The following RAD51B variants were observed in gnomAD, a reference collection of about 807,000 sequenced individuals.
The protein encoded by RAD51B is DNA repair protein RAD51 homolog 2.
In RAD51B, 38 loss-of-function variants were observed where a neutral mutation model predicts 42.2. The observed-to-expected ratio is 0.90, with a 90% CI of 0.70 to 1.18. The LOEUF (loss-of-function observed/expected upper bound fraction) is 1.18, where lower values mean the gene tolerates loss of function less well. Ranked by LOEUF, RAD51B falls within the 50% of genes most tolerant of loss-of-function variation. The probability of loss-of-function intolerance (pLI) is 0.00; values close to 1 mark genes in which losing one functional copy is unlikely to be tolerated. For synonymous variants in RAD51B, 154 were observed against 145.2 expected, an observed-to-expected ratio of 1.06 and a Z score of -0.43; for missense variants, 373 against 400.7, an observed-to-expected ratio of 0.93 and a Z score of 0.59.
At chr14:68,498,232 C>G (rs571249639) in intron 10 of RAD51B, among the ~76,000 whole-genome samples, 1 of 152,180 alleles carries the variant, frequency 6.6e-6, no homozygotes, top group African/African-American at 2.4e-5. Flanking sequence ...ATAGTCTCCA[C>G]GTGAAGACAC....
At chr14:68,123,191 CTTTTTTTTTT>C (rs541886088) in intron 7 of RAD51B, among the ~76,000 whole-genome samples, 1 of 125,502 alleles carries the variant, frequency 8.0e-6, no homozygotes, top group Non-Finnish European at 1.7e-5. Flanking sequence ...TTCTTTCTTT[CTTTTTTTTTT>C]TTTTTTTTTG....
At chr14:68,131,387 C>T (rs1380536547) in intron 7 of RAD51B, among the ~76,000 whole-genome samples, 1 of 152,152 alleles carries the variant, frequency 6.6e-6, no homozygotes, top group African/African-American at 2.4e-5. Context: ...AACAAAAGTA[C>T]ATGTCAAGAT....
At chr14:68,277,266 A>G (rs1210732248) in intron 7 of RAD51B, among the ~76,000 whole-genome samples, 4 of 152,202 alleles carry the variant, frequency 2.6e-5, no homozygotes, top group African/African-American at 9.7e-5. Context: ...TAATGCTATT[A>G]TTAATAGTCA....
chr14:68,099,123 G>A (rs1399583623), intron 7 of RAD51B, among the ~76,000 whole-genome samples: 1 of 152,116 alleles, frequency 6.6e-6, no homozygotes, highest in East Asian at 1.9e-4. Context: ...CCCTAACTTG[G>A]GAAAGTCTCT....
chr14:67,899,609 G>A (rs936432333), intron 7 of RAD51B, among the ~76,000 whole-genome samples: 31 of 152,064 alleles, frequency 2.0e-4, no homozygotes, highest in African/African-American at 7.5e-4. Context: ...CTTATTTATT[G>A]TCTCAGAGTT....
chr14:67,941,485 G>A (rs796780200), intron 7 of RAD51B, among the ~76,000 whole-genome samples: 26 of 152,296 alleles, frequency 1.7e-4, no homozygotes, highest in African/African-American at 6.0e-4. Context: ...GGGTAAAATA[G>A]GTAAAGTGAA....
At chr14:68,437,524 ACT>A (rs1392977533) in intron 9 of RAD51B, among the ~76,000 whole-genome samples, 1 of 151,914 alleles carries the variant, frequency 6.6e-6, no homozygotes, top group Non-Finnish European at 1.5e-5. Context: ...GTAGAACGTA[ACT>A]CTTCTATTTT....
At chr14:68,410,394 C>T (rs1253268292) in intron 8 of RAD51B, among the ~76,000 whole-genome samples, 3 of 152,208 alleles carry the variant, frequency 2.0e-5, no homozygotes, top group African/African-American at 7.2e-5. Context: ...TTCAAGGCCT[C>T]ATTTTGTTTT....
chr14:68,196,524 T>A (rs1350824230), intron 7 of RAD51B, among the ~76,000 whole-genome samples: 1 of 152,116 alleles, frequency 6.6e-6, no homozygotes. Flanking sequence ...CCTTCCCCAA[T>A]CTTCACCTTG....
intron 9 of RAD51B, among the ~76,000 whole-genome samples, chr14:68,467,820 G>A (rs2086021786): frequency 6.6e-6 from 1 of 152,234 alleles, no homozygotes; most frequent in African/African-American, 2.4e-5. Context: ...TAGTAAAACA[G>A]CTAAGTTTAT....
intron 7 of RAD51B, among the ~76,000 whole-genome samples, chr14:68,025,476 C>CTTTTTT (rs765471138): frequency 2.0e-4 from 8 of 40,966 alleles, no homozygotes; most frequent in Admixed American, 2.8e-4. Context: ...CTGGTCTAGG[C>CTTTTTT]TTTTTTTTTT....
At chr14:68,521,097 C>G (rs558359429) in intron 10 of RAD51B, among the ~76,000 whole-genome samples, 76 of 152,210 alleles carry the variant, frequency 5.0e-4, no homozygotes, top group African/African-American at 1.8e-3. Flanking sequence ...GACTCAAGCC[C>G]GCACCTGGAT....
At position 68,087,940 on chromosome 14, in the gene RAD51B, T is replaced by C. The variant is rs1291054070; in HGVS notation, c.756+200736T>C. ...ATATATTATATATAATTATATAATTTATTATTATATATAATTATATAATTT... is the reference window on the plus strand; with the variant it reads ...ATATATTATATATAATTATATAATTCATTATTATATATAATTATATAATTT... On this transcript the variant is annotated intron_variant, in intron 7 of 10. Transcript: ENST00000471583. Among the ~76,000 whole-genome samples the C allele has an allele frequency of 6.6e-5, 5 of 75,868 alleles. No homozygotes were observed. The Admixed American group carries it at 7.2e-4, about 11-fold the overall frequency. 49.8% of individuals were successfully genotyped at this position (75,868 alleles called of 152,430 possible).
intron 8 of RAD51B, among the ~76,000 whole-genome samples, chr14:68,321,112 G>A (rs1481662292): frequency 6.6e-6 from 1 of 151,890 alleles, no homozygotes; most frequent in African/African-American, 2.4e-5. Flanking sequence ...AACTTCTCAC[G>A]ATTTTTAAAA....
At chr14:68,496,845 A>G (rs1330488481) in intron 10 of RAD51B, among the ~76,000 whole-genome samples, 1 of 152,236 alleles carries the variant, frequency 6.6e-6, no homozygotes, top group Non-Finnish European at 1.5e-5. Context: ...TCAACAGACT[A>G]CAACTTTCTG....
chr14:68,216,703 A>T (rs2079822834), intron 7 of RAD51B, among the ~76,000 whole-genome samples: 1 of 152,212 alleles, frequency 6.6e-6, no homozygotes, highest in Non-Finnish European at 1.5e-5. Flanking sequence ...AGTATTTCAA[A>T]GTATATATAA....
intron 7 of RAD51B, among the ~76,000 whole-genome samples, chr14:68,042,936 G>A (rs2076239942): frequency 6.6e-6 from 1 of 152,104 alleles, no homozygotes; most frequent in Admixed American, 6.5e-5. Context: ...TTATTAAGAT[G>A]GAAGAAGCCA....
At chr14:68,371,257 G>A (rs1488252447) in intron 8 of RAD51B, among the ~76,000 whole-genome samples, 4 of 151,684 alleles carry the variant, frequency 2.6e-5, no homozygotes, top group African/African-American at 2.4e-5. Context: ...GGTGGCTTAC[G>A]CCTGTAATCC....
intron 7 of RAD51B, among the ~76,000 whole-genome samples, chr14:68,025,270 A>G (rs2075935048): frequency 1.3e-5 from 2 of 151,838 alleles, no homozygotes; most frequent in Non-Finnish European, 1.5e-5. Context: ...GGATTTTTAC[A>G]CCTATGTTTA....
Sources: allele counts gnomAD v4.1 joint callset (sites outside exome capture counted in the v4.1 genomes callset), GRCh38; gene constraint gnomAD v4.1.1; transcripts MANE v1.5; gene names NCBI Gene and HGNC (gene_info 2026-07-23, HGNC 2026-07-21).